Variants in RBFOX1 observed in about 807,000 individuals in gnomAD.
The protein encoded by RBFOX1 is RNA binding protein fox-1 homolog 1.
RBFOX1 carries 8 observed loss-of-function variants against 57.7 expected under a neutral mutation model. The ratio of observed to expected loss-of-function variants is 0.14; its 90% CI spans 0.08 to 0.25. The LOEUF is 0.25. Among genes scored for constraint, RBFOX1 ranks in the 10% least tolerant of loss-of-function variants. The pLI, the probability that RBFOX1 is intolerant of heterozygous loss-of-function variation, is 1.00. For synonymous variants in RBFOX1, 326 were observed against 222.4 expected (o/e 1.47, Z -4.15); for missense variants, 611 against 548.5 (o/e 1.11, Z -1.14).
intron 1 of RBFOX1, among the ~76,000 whole-genome samples, chr16:6,287,478 G>A (rs909082957): frequency 1.3e-5 from 2 of 152,096 alleles, no homozygotes; most frequent in Admixed American, 6.6e-5. Context: ...ATGATGCTAG[G>A]TGTTAGGGCT....
chr16:6,159,755 G>C (rs765751558), intron 1 of RBFOX1, among the ~76,000 whole-genome samples: 2 of 152,174 alleles, frequency 1.3e-5, no homozygotes, highest in African/African-American at 2.4e-5. Flanking sequence ...ATTTCGCAGG[G>C]ATGTGATTTG....
intron 4 of RBFOX1, among the ~76,000 whole-genome samples, chr16:7,312,725 T>C (rs1193355816): frequency 6.6e-6 from 1 of 152,198 alleles, no homozygotes; most frequent in Non-Finnish European, 1.5e-5. Flanking sequence ...AGCGAAGTTA[T>C]TTACTTTCAA....
At chr16:6,311,247 G>T (rs2080261807) in intron 1 of RBFOX1, among the ~76,000 whole-genome samples, 1 of 133,568 alleles carries the variant, frequency 7.5e-6, no homozygotes, top group African/African-American at 2.8e-5. Flanking sequence ...AGTGAGCTGA[G>T]ATCGTGCCAC....
At chr16:5,506,770 C>G (rs550521956) in intron 2 of RBFOX1, among the ~76,000 whole-genome samples, 1 of 152,238 alleles carries the variant, frequency 6.6e-6, no homozygotes, top group South Asian at 2.1e-4. Flanking sequence ...GAAAGTTTTA[C>G]CAGTCTGCTC....
At chr16:5,928,425 A>AT (rs1470801210) in intron 4 of RBFOX1, among the ~76,000 whole-genome samples, 3 of 152,096 alleles carry the variant, frequency 2.0e-5, no homozygotes, top group African/African-American at 7.2e-5. Context: ...AAAAAAAAAA[A>AT]GTATGTGAGA....
intron 3 of RBFOX1, among the ~76,000 whole-genome samples, chr16:7,027,301 A>G (rs1327637950): frequency 1.3e-5 from 2 of 152,208 alleles, no homozygotes; most frequent in South Asian, 2.1e-4. Flanking sequence ...AGTTAATTAC[A>G]TCTATTTTAT....
chr16:6,640,064 CT>C (rs2098474792), intron 2 of RBFOX1, among the ~76,000 whole-genome samples: 1 of 152,078 alleles, frequency 6.6e-6, no homozygotes, highest in Non-Finnish European at 1.5e-5. Context: ...AGATAAGTTG[CT>C]GCGAAAAGCC....
chr16:7,099,405 C>T (rs576752971), intron 4 of RBFOX1, among the ~76,000 whole-genome samples: 8 of 152,186 alleles, frequency 5.3e-5, no homozygotes, highest in Non-Finnish European at 8.8e-5. Flanking sequence ...GGGGCTAATA[C>T]CAGAAGGGGA....
At chr16:6,920,015 A>C (rs559457565) in intron 3 of RBFOX1, among the ~76,000 whole-genome samples, 183 of 152,124 alleles carry the variant, frequency 1.2e-3, no homozygotes, top group African/African-American at 4.2e-3. Flanking sequence ...GCTCTCCCTT[A>C]TAAGACGGAA....
chr16:6,311,319 A>G (rs545839812), intron 1 of RBFOX1, among the ~76,000 whole-genome samples: 1 of 146,126 alleles, frequency 6.8e-6, no homozygotes, highest in Admixed American at 6.9e-5. Context: ...AAAAAAAAGA[A>G]TAAAAGAACT....
intron 2 of RBFOX1, among the ~76,000 whole-genome samples, chr16:6,543,381 A>G (rs1487691345): frequency 6.6e-6 from 1 of 152,040 alleles, no homozygotes; most frequent in East Asian, 1.9e-4. Flanking sequence ...TGGCTTCTCA[A>G]AGACTTCCAC....
At position 5,703,726 on chromosome 16, in the gene RBFOX1, A is replaced by G. The variant is rs527370420; in HGVS notation, c.318+104765A>G. 5.3e-5 allele frequency among the ~76,000 whole-genome samples: 8 copies of G among 152,194 alleles called. No homozygotes were observed. The East Asian group carries it at 7.7e-4, about 15-fold the overall frequency. On this transcript the variant is annotated intron_variant, in intron 3 of 19. Coordinates refer to the RBFOX1 transcript ENST00000641259. Reference sequence around the variant, plus strand: ...AATGTCTTTATTGCATAATTTTTTTACAAGTGTCAAATGTGTGTGTATATA... The same window carrying G: ...AATGTCTTTATTGCATAATTTTTTTGCAAGTGTCAAATGTGTGTGTATATA...
intron 3 of RBFOX1, chr16:6,983,658 G>C (rs541910022): frequency 1.8e-4 from 28 of 152,296 alleles, no homozygotes; most frequent in African/African-American, 6.3e-4. Flanking sequence ...TAAATCTCTT[G>C]GGAGAAGAGG....
chr16:5,481,991 G>A (rs955399418), intron 2 of RBFOX1, among the ~76,000 whole-genome samples: 2 of 152,114 alleles, frequency 1.3e-5, no homozygotes, highest in Non-Finnish European at 2.9e-5. Context: ...GGGACTTAGA[G>A]CTTGAACACA....
intron 2 of RBFOX1, among the ~76,000 whole-genome samples, chr16:6,601,310 T>C (rs2097850126): frequency 6.6e-6 from 1 of 152,188 alleles, no homozygotes; most frequent in Non-Finnish European, 1.5e-5. Flanking sequence ...CTTCTTACAC[T>C]CTCCCCTCTC....
intron 3 of RBFOX1, among the ~76,000 whole-genome samples, chr16:6,723,069 G>A (rs1253747557): frequency 6.6e-6 from 1 of 152,200 alleles, no homozygotes; most frequent in Non-Finnish European, 1.5e-5. Context: ...GAGGGGATGG[G>A]CAATGTCCCA....
At chr16:6,375,296 AC>A (rs201782933) in intron 2 of RBFOX1, among the ~76,000 whole-genome samples, 7,682 of 151,108 alleles carry the variant, frequency 0.051, 667 homozygotes, top group African/African-American at 0.18. Context: ...GGGAAAAAAA[AC>A]AAAAACAAAA....
intron 7 of RBFOX1, among the ~76,000 whole-genome samples, chr16:7,595,254 A>G (rs1371618732): frequency 6.6e-6 from 1 of 151,722 alleles, no homozygotes; most frequent in African/African-American, 2.4e-5. Flanking sequence ...TTTTGATCTC[A>G]TTTTCTTTTC....
intron 1 of RBFOX1, among the ~76,000 whole-genome samples, chr16:5,400,103 CTTTCTTTTTTTT>C (rs2066671541): frequency 6.6e-6 from 1 of 151,046 alleles, no homozygotes; most frequent in South Asian, 2.1e-4. Context: ...TTCTTTCTTT[CTTTCTTTTTTTT>C]TTGAGACAGA....
Sources: allele counts gnomAD v4.1 joint callset (sites outside exome capture counted in the v4.1 genomes callset), GRCh38; gene constraint gnomAD v4.1.1; transcripts MANE v1.5; gene names NCBI Gene and HGNC (gene_info 2026-07-23, HGNC 2026-07-21).